Variants in FAT3 observed in about 807,000 individuals in gnomAD.
FAT3 encodes protocadherin Fat 3.
In FAT3, 95 loss-of-function variants were observed where a neutral mutation model predicts 310.2. That is an observed-to-expected ratio of 0.31 (90% CI 0.26 to 0.36). The LOEUF (loss-of-function observed/expected upper bound fraction) is 0.36. Among genes scored for constraint, FAT3 ranks in the 10% least tolerant of loss-of-function variants. The pLI is 1.00. For synonymous variants in FAT3, 2,314 were observed against 2,192.9 expected (o/e 1.06, Z -1.54); for missense variants, 5,408 against 5,715.6 (o/e 0.95, Z 1.74).
At chr11:92,424,407 G>T (rs989701339) in intron 2 of FAT3, among the ~76,000 whole-genome samples, 1 of 152,118 alleles carries the variant, frequency 6.6e-6, no homozygotes, top group African/African-American at 2.4e-5. Flanking sequence ...AGGCTACAGT[G>T]GTTCTCCTAT....
At chr11:92,719,415 A>T (rs894172133) in intron 4 of FAT3, among the ~76,000 whole-genome samples, 1 of 151,850 alleles carries the variant, frequency 6.6e-6, no homozygotes, top group Non-Finnish European at 1.5e-5. Context: ...GGTTCCAAGA[A>T]CCCCCTCAGA....
chr11:92,428,182 C>A, intron 2 of FAT3, among the ~76,000 whole-genome samples: 1 of 151,802 alleles, frequency 6.6e-6, no homozygotes, highest in East Asian at 1.9e-4. Flanking sequence ...ATAGTATTCT[C>A]GGATGGTAGT....
At chr11:92,502,055 A>C (rs1045250830) in intron 2 of FAT3, among the ~76,000 whole-genome samples, 1 of 152,046 alleles carries the variant, frequency 6.6e-6, no homozygotes, top group Non-Finnish European at 1.5e-5. Flanking sequence ...TTACATTTGT[A>C]CGTGATAGAC....
chr11:92,889,152 C>G (rs1345345337), intron 25 of FAT3, 37 bp from the exon 26 acceptor site: 1 of 698,622 alleles, frequency 1.4e-6, no homozygotes, highest in Non-Finnish European at 2.6e-6. Flanking sequence ...CTGAAGCTGT[C>G]CTTCCCCTAC....
At chr11:92,656,459 GT>G (rs1016224736) in intron 3 of FAT3, among the ~76,000 whole-genome samples, 62 of 152,180 alleles carry the variant, frequency 4.1e-4, no homozygotes, top group Admixed American at 2.1e-3. Flanking sequence ...TATGTAGGAA[GT>G]TTTTATAATT....
At chr11:92,461,614 G>A (rs1301782447) in intron 2 of FAT3, among the ~76,000 whole-genome samples, 4 of 151,986 alleles carry the variant, frequency 2.6e-5, no homozygotes, top group Admixed American at 1.3e-4. Flanking sequence ...ACAAGGTGTC[G>A]GGAGAGACCT....
At chr11:92,508,017 C>A (rs1370601573) in intron 2 of FAT3, among the ~76,000 whole-genome samples, 2 of 152,084 alleles carry the variant, frequency 1.3e-5, no homozygotes, top group Non-Finnish European at 2.9e-5. Context: ...CTGTAGGGCA[C>A]TTTTCCCATC....
In FAT3 at chr11:92,790,097, T is replaced by C. The variant is rs1946997940; in HGVS notation, c.4490T>C (p.Val1497Ala). The C allele has an allele frequency of 6.2e-7, 1 of 1,613,840 alleles. No individual in the cohort carries two copies. Among genetic ancestry groups the C allele is most frequent in the African/African-American group, 1.3e-5 (1 of 75,040 alleles). Residue 1497 changes from valine (V) to alanine (A), a missense_variant, in exon 8 of 28, where the codon GTT becomes GCT. By Grantham distance (64) the Val-to-Ala change is moderately conservative (BLOSUM62 0). This residue lies in a region of FAT3 where 4,588 missense variants were observed against 4,809.8 expected (regional missense o/e 0.95). Transcript: ENST00000525166. ...RDEKHKLSYT[V>A]HSSIDSISMR... ...GAGAAGCACAAGCTGAGCTACACTG[T>C]TCATAGCAGCATCGACTCCATCAGC...
At chr11:92,390,666 G>A (rs1053502922) in intron 2 of FAT3, among the ~76,000 whole-genome samples, 1 of 152,114 alleles carries the variant, frequency 6.6e-6, no homozygotes, top group Non-Finnish European at 1.5e-5. Context: ...GCCCTGCAAG[G>A]AAAACCAGTT....
At chr11:92,474,900 C>T (rs189751867) in intron 2 of FAT3, among the ~76,000 whole-genome samples, 5 of 152,140 alleles carry the variant, frequency 3.3e-5, no homozygotes, top group Non-Finnish European at 5.9e-5. Context: ...ATCTCTTTTC[C>T]TTCCTGATTG....
At chr11:92,877,428 G>A (rs547229013) in intron 22 of FAT3, among the ~76,000 whole-genome samples, 1 of 152,258 alleles carries the variant, frequency 6.6e-6, no homozygotes, top group Admixed American at 6.5e-5. Context: ...TTGAAATGCA[G>A]GGTCTCAGGA....
intron 4 of FAT3, among the ~76,000 whole-genome samples, chr11:92,707,393 A>T (rs545066325): frequency 1.3e-5 from 2 of 152,300 alleles, no homozygotes; most frequent in African/African-American, 2.4e-5. Context: ...TCACTTGTGG[A>T]TGGGAACGTG....
intron 1 of FAT3, among the ~76,000 whole-genome samples, chr11:92,279,821 C>T (rs546448888): frequency 5.9e-5 from 9 of 152,174 alleles, no homozygotes; most frequent in Admixed American, 1.3e-4. Context: ...ATTGACCAAC[C>T]TCACAAAAAG....
chr11:92,511,548 C>A (rs1442344224), intron 2 of FAT3, among the ~76,000 whole-genome samples: 1 of 152,086 alleles, frequency 6.6e-6, no homozygotes, highest in Non-Finnish European at 1.5e-5. Flanking sequence ...TAGAGAAAAG[C>A]AAATCAAAAT....
chr11:92,534,359 G>A (rs1203200348), intron 3 of FAT3, among the ~76,000 whole-genome samples: 1 of 152,188 alleles, frequency 6.6e-6, no homozygotes, highest in African/African-American at 2.4e-5. Flanking sequence ...TGCCGAGCTA[G>A]GATTGGTCTG....
At position 92,888,423 on chromosome 11, in the gene FAT3, A is replaced by C. The variant is rs535583215; in HGVS notation, c.13052-766A>C. Among the ~76,000 whole-genome samples the C allele has an allele frequency of 2.0e-5, 3 of 152,306 alleles. No homozygotes were observed. The East Asian group carries it at 5.8e-4, about 29-fold the overall frequency. On this transcript the variant is annotated intron_variant, in intron 25 of 27. Transcript: ENST00000525166. ...CAATGATGCCTGGTTAACTGTTCTCATGGGCTCTGCTGTGTGCACCCTGAG... is the reference window on the plus strand; with the variant it reads ...CAATGATGCCTGGTTAACTGTTCTCCTGGGCTCTGCTGTGTGCACCCTGAG...
intron 2 of FAT3, among the ~76,000 whole-genome samples, chr11:92,397,991 A>T (rs1339992672): frequency 6.6e-6 from 1 of 152,104 alleles, no homozygotes; most frequent in African/African-American, 2.4e-5. Context: ...AACAGCAGAA[A>T]TGTATTGTCT....
chr11:92,654,884 A>G (rs986957097), intron 3 of FAT3, among the ~76,000 whole-genome samples: 2 of 152,222 alleles, frequency 1.3e-5, no homozygotes, highest in African/African-American at 2.4e-5. Flanking sequence ...TTCAAGTTCC[A>G]TAATATCCTA....
intron 3 of FAT3, among the ~76,000 whole-genome samples, chr11:92,541,007 T>C (rs995811204): frequency 2.6e-5 from 4 of 152,152 alleles, no homozygotes; most frequent in African/African-American, 9.7e-5. Context: ...AGGCCATCCA[T>C]AGCATAAGAA....
Sources: allele counts gnomAD v4.1 joint callset (sites outside exome capture counted in the v4.1 genomes callset), GRCh38; gene constraint gnomAD v4.1.1; regional missense constraint gnomAD v4.1.1; transcripts MANE v1.5; gene names NCBI Gene and HGNC (gene_info 2026-07-23, HGNC 2026-07-21).